The following RSPH9 variants were observed in gnomAD, a reference collection of about 807,000 sequenced individuals.
RSPH9 encodes the protein radial spoke head protein 9 homolog.
In RSPH9, 27 loss-of-function variants were observed where a neutral mutation model predicts 27.0. The observed-to-expected ratio is 1.00, with a 90% CI of 0.74 to 1.38. The LOEUF (loss-of-function observed/expected upper bound fraction) is 1.38, where lower values mean the gene tolerates loss of function less well. Among genes scored for constraint, RSPH9 ranks in the 40% most tolerant of loss-of-function variants. The pLI is 0.00. For synonymous variants in RSPH9, 145 were observed against 147.7 expected (o/e 0.98, Z 0.13); for missense variants, 347 against 357.4 (o/e 0.97, Z 0.24).
intron 1 of RSPH9, 45 bp downstream of exon 1, chr6:43,645,370 GA>G: frequency 1.5e-6 from 2 of 1,341,194 alleles, no homozygotes; most frequent in Non-Finnish European, 2.1e-6. Flanking sequence ...TGGCTACCTG[GA>G]GGCAGGGCGG....
In RSPH9 at chr6:43,661,388, C is replaced by T. The variant is rs552171369; in HGVS notation, c.670+4665C>T. ...AAAGTCCTAGATGTTTGGCTGGGTG[C>T]GGTGGCTCACGCCTGTCATCTCAAC... On this transcript the variant is annotated intron_variant, in intron 4 of 4. Coordinates refer to ENST00000372163, the MANE Select transcript of RSPH9 (RefSeq NM_152732.5). 4.6e-5 allele frequency among the ~76,000 whole-genome samples: 7 copies of T among 152,168 alleles called. No homozygotes were observed. The East Asian group carries it at 5.8e-4, about 13-fold the overall frequency.
At chr6:43,661,586 G>T (rs970007280) in intron 4 of RSPH9, among the ~76,000 whole-genome samples, 1 of 151,118 alleles carries the variant, frequency 6.6e-6, no homozygotes, top group African/African-American at 2.4e-5. Context: ...GCTTGAACCC[G>T]GGAGGCAGAG....
At chr6:43,666,185 G>A (rs753230394) in intron 4 of RSPH9, among the ~76,000 whole-genome samples, 1 of 152,174 alleles carries the variant, frequency 6.6e-6, no homozygotes, top group Non-Finnish European at 1.5e-5. Flanking sequence ...GTGGAAGTGT[G>A]GATGGTCACA....
Position 43,671,079 on chromosome 6 carries a change from C to A in RSPH9, c.*130C>A. The A allele has an allele frequency of 8.7e-7, 1 of 1,155,582 alleles. No individual in the cohort carries two copies. The highest frequency in any genetic ancestry group is 1.3e-6 in the Non-Finnish European group (1 of 795,156). The allele number at this position is 1,155,582 out of a possible 1,614,324, so 71.6% of individuals were successfully genotyped here. A position where few individuals can be genotyped will look rare whatever the true frequency, so the allele number is the denominator to read the frequency against. ...CCGTCTGGTTCCAGATTCTGAAAGG[C>A]CCACTGAGCCAGGGAGCTCATTTCT... is the stretch of plus-strand genomic sequence containing the variant. On this transcript the variant is annotated 3_prime_UTR_variant, in exon 5 of 5. Transcript: ENST00000372163.
rs1316406136 is a variant in RSPH9 at position 43,656,733 on chromosome 6, C to T, written c.670+10C>T. On this transcript the variant is annotated intron_variant, in intron 4 of 4. Coordinates refer to ENST00000372163, the MANE Select transcript of RSPH9 (RefSeq NM_152732.5). ...CATGACATTCCCAAAGGTAATAGTC[C>T]ATTACCTGGAGGCCATGGGATCTGT... is the stretch of plus-strand genomic sequence containing the variant. The T allele has an allele frequency of 1.9e-6, 3 of 1,613,072 alleles. No individual in the cohort carries two copies. Among genetic ancestry groups the T allele is most frequent in the African/African-American group, 2.7e-5 (2 of 74,900 alleles).
intron 2 of RSPH9, among the ~76,000 whole-genome samples, chr6:43,655,290 AG>A (rs899239542): frequency 3.3e-5 from 5 of 152,222 alleles, no homozygotes; most frequent in Non-Finnish European, 7.3e-5. Context: ...GAGGGCAACT[AG>A]GGTCTCGGAC....
At chr6:43,649,221 C>T (rs1474008953) in intron 1 of RSPH9, among the ~76,000 whole-genome samples, 1 of 151,804 alleles carries the variant, frequency 6.6e-6, no homozygotes, top group African/African-American at 2.4e-5. Flanking sequence ...TGGAGTTTCG[C>T]TCTTGTTGCC....
chr6:43,672,459 G>A lies in RSPH9; in HGVS notation c.*1510G>A, dbSNP rs891404836. The A allele has an allele frequency of 1.8e-4, 83 of 469,918 alleles. No homozygotes were observed. Among genetic ancestry groups the A allele is most frequent in the African/African-American group, 1.1e-3 (54 of 50,094 alleles). The allele number at this position is 469,918 out of a possible 1,614,324, so 29.1% of individuals were successfully genotyped here. On this transcript the variant is annotated 3_prime_UTR_variant, in exon 5 of 5. Transcript: ENST00000372163. ...TAGGAAGGTTCCTGTAAATAGGAGG[G>A]GGGTGGGGAAAGATGGCTGCCGCCC... is the stretch of plus-strand genomic sequence containing the variant.
At chr6:43,652,516 C>A (rs941631784) in intron 2 of RSPH9, among the ~76,000 whole-genome samples, 3 of 151,098 alleles carry the variant, frequency 2.0e-5, no homozygotes, top group Admixed American at 2.0e-4. Flanking sequence ...ACCTCTGCCT[C>A]CCGGGTTCAA....
intron 1 of RSPH9, among the ~76,000 whole-genome samples, chr6:43,646,853 G>A (rs1378589175): frequency 6.6e-6 from 1 of 151,720 alleles, no homozygotes; most frequent in Non-Finnish European, 1.5e-5. Context: ...CTACTCGGGA[G>A]GCTGAGGCAG....
intron 4 of RSPH9, among the ~76,000 whole-genome samples, chr6:43,660,039 C>CTTTTTTTTTTT (rs1163299257): frequency 2.7e-5 from 3 of 109,318 alleles, no homozygotes; most frequent in East Asian, 3.0e-4. Context: ...CCAGCCTGGC[C>CTTTTTTTTTTT]TTTTTTTTTT....
At position 43,671,021 on chromosome 6, in the gene RSPH9, T is replaced by C. The variant is rs1309995230; in HGVS notation, c.*72T>C. On this transcript the variant is annotated 3_prime_UTR_variant, in exon 5 of 5. Coordinates refer to ENST00000372163, the MANE Select transcript of RSPH9 (RefSeq NM_152732.5). ...TTCTTAAGCTTCAGTGAACTTGGCC[T>C]GCCTGTTCTGTCCTATCTTCTTAAC... 1.3e-6 allele frequency: 2 copies of C among 1,568,430 alleles called. No homozygotes were observed. Among genetic ancestry groups the C allele is most frequent in the Non-Finnish European group, 1.7e-6 (2 of 1,145,526 alleles).
chr6:43,657,569 T>G (rs180963585), intron 4 of RSPH9, among the ~76,000 whole-genome samples: 14 of 152,108 alleles, frequency 9.2e-5, no homozygotes, highest in Admixed American at 3.3e-4. Flanking sequence ...TAAATGACAA[T>G]AGGAACCACA....
At chr6:43,651,217 G>A (rs534188975) in intron 2 of RSPH9, among the ~76,000 whole-genome samples, 9 of 152,250 alleles carry the variant, frequency 5.9e-5, no homozygotes, top group African/African-American at 2.2e-4. Context: ...TGGTTTCCAG[G>A]TGGTAGAGAA....
At chr6:43,667,472 G>A (rs1773260600) in intron 4 of RSPH9, among the ~76,000 whole-genome samples, 1 of 152,258 alleles carries the variant, frequency 6.6e-6, no homozygotes, top group Admixed American at 6.5e-5. Flanking sequence ...TGCTGGTGGT[G>A]GTTGAGGACC....
rs1773135111 is a variant in RSPH9 at position 43,666,347 on chromosome 6, TG to T, written c.671-4439del. On this transcript the variant is annotated intron_variant, in intron 4 of 4. Coordinates refer to ENST00000372163, the MANE Select transcript of RSPH9 (RefSeq NM_152732.5). ...GCCAAAATCCCAAGGAAGAGTTCCC[TG>T]GGACACCAGGACTGGCTGGAGGGAT... 3 of 1,186,148 alleles carry T rather than the reference TG, an allele frequency of 2.5e-6. No homozygotes were observed. In the South Asian group the frequency reaches 4.0e-5, roughly 16 times the overall value. The allele number at this position is 1,186,148 out of a possible 1,614,324, so 73.5% of individuals were successfully genotyped here.
intron 4 of RSPH9, among the ~76,000 whole-genome samples, chr6:43,670,139 G>A (rs1253869959): frequency 6.6e-6 from 1 of 152,214 alleles, no homozygotes; most frequent in African/African-American, 2.4e-5. Context: ...AGGAGCTGGT[G>A]TCTCCCTTGG....
Position 43,671,328 on chromosome 6 carries a change from G to A in RSPH9, c.*379G>A. Reference sequence around the variant, plus strand: ...GTCATGAAGAGGATGGGACCTGTTTGGCCCATGAATTCAATTGACTCATTG... The same window carrying A: ...GTCATGAAGAGGATGGGACCTGTTTAGCCCATGAATTCAATTGACTCATTG... On this transcript the variant is annotated 3_prime_UTR_variant, in exon 5 of 5. Coordinates refer to ENST00000372163, the MANE Select transcript of RSPH9 (RefSeq NM_152732.5). The A allele has an allele frequency of 2.4e-6, 1 of 415,038 alleles. No homozygotes were observed. The highest frequency in any genetic ancestry group is 2.7e-5 in the South Asian group (1 of 36,536). 25.7% of individuals were successfully genotyped at this position (415,038 alleles called of 1,614,324 possible). A position where few individuals can be genotyped will look rare whatever the true frequency, so the allele number is the denominator to read the frequency against.
At chr6:43,650,286 G>C in intron 1 of RSPH9, 89 bp from the exon 2 acceptor site, 1 of 1,507,172 alleles carries the variant, frequency 6.6e-7, no homozygotes, top group Non-Finnish European at 9.1e-7. Context: ...CTTTTCCTGG[G>C]CCCAACCCAC....
Sources: gnomAD v4.1 joint callset for allele counts (sites outside exome capture counted in the v4.1 genomes callset) on GRCh38, gnomAD v4.1.1 for gene constraint, MANE v1.5 for transcripts, NCBI Gene and HGNC (gene_info 2026-07-23, HGNC 2026-07-21) for gene names.